The following BIN2 variants were observed in gnomAD, a reference collection of about 807,000 sequenced individuals.
The protein encoded by BIN2 is bridging integrator 2.
A neutral mutation model predicts 67.9 loss-of-function variants in BIN2; 43 were observed. That is an observed-to-expected ratio of 0.63 (90% CI 0.50 to 0.82). The LOEUF (loss-of-function observed/expected upper bound fraction) is 0.82, where lower values mean the gene tolerates loss of function less well. BIN2 is among the 40% of genes least tolerant of loss of function. The pLI, the probability that BIN2 is intolerant of heterozygous loss-of-function variation, is 0.00. For missense variants in BIN2, 581 were observed against 671.6 expected, an observed-to-expected ratio of 0.87 and a Z score of 1.49; for synonymous variants, 244 against 246.8, an observed-to-expected ratio of 0.99 and a Z score of 0.11.
upstream of BIN2, chr12:51,324,176 C>T: frequency 1.3e-6 from 2 of 1,578,108 alleles, no homozygotes; most frequent in Admixed American, 1.8e-5. Flanking sequence ...GGAGGAAGTG[C>T]GGGCTCCCGG....
At chr12:51,281,773 G>A (rs1227872074) in intron 12 of BIN2, among the ~76,000 whole-genome samples, 2 of 149,380 alleles carry the variant, frequency 1.3e-5, no homozygotes, top group Non-Finnish European at 3.0e-5. Flanking sequence ...TTTTCTTTTT[G>A]AGACATAGTC....
At chr12:51,305,713 A>G (rs1945849024) in intron 2 of BIN2, among the ~76,000 whole-genome samples, 1 of 151,764 alleles carries the variant, frequency 6.6e-6, no homozygotes, top group African/African-American at 2.4e-5. Context: ...GGGAAAGGTC[A>G]CTATTTACTT....
intron 8 of BIN2, 64 bp downstream of exon 8, chr12:51,297,025 A>T (rs1208160880): frequency 2.1e-6 from 3 of 1,439,624 alleles, no homozygotes; most frequent in Non-Finnish European, 2.9e-6. Context: ...CATGTAAGTC[A>T]AGGCTACCTT....
Position 51,324,123 on chromosome 12 carries a change from C to T in BIN2, c.-21G>A. 6 of 1,611,458 alleles carry T rather than the reference C, an allele frequency of 3.7e-6. No individual in the cohort carries two copies. Among genetic ancestry groups the T allele is most frequent in the Non-Finnish European group, 5.1e-6 (6 of 1,178,850 alleles). On this transcript the variant is annotated 5_prime_UTR_variant, in exon 1 of 13. Coordinates refer to ENST00000615107, the MANE Select transcript of BIN2 (RefSeq NM_016293.4). ...GCCATCCTGCCAACTCCCTGGGGGCCGCCGCCCTGGCCCCGCGCCCTGTGG... is the reference window on the plus strand; with the variant it reads ...GCCATCCTGCCAACTCCCTGGGGGCTGCCGCCCTGGCCCCGCGCCCTGTGG...
At position 51,284,693 on chromosome 12, in the gene BIN2, A is replaced by G. The variant is rs367655945; in HGVS notation, c.1668+23T>C. The G allele has an allele frequency of 2.6e-6, 4 of 1,566,194 alleles. No homozygotes were observed. In the African/African-American group the frequency reaches 4.1e-5, roughly 16 times the overall value. Reference sequence around the variant, plus strand: ...CCCCTGTCAATCTAATGCCCAATCTATTCTCTGTATATCTGGTCTTACCTC... The same window carrying G: ...CCCCTGTCAATCTAATGCCCAATCTGTTCTCTGTATATCTGGTCTTACCTC... On this transcript the variant is annotated intron_variant, in intron 12 of 12. Coordinates refer to ENST00000615107, the MANE Select transcript of BIN2 (RefSeq NM_016293.4).
chr12:51,287,837 G>A (rs4477479), intron 11 of BIN2, among the ~76,000 whole-genome samples: 124,263 of 151,174 alleles, frequency 0.82, 52,257 homozygotes, highest in East Asian at 0.94. Flanking sequence ...ATTTTTAGTA[G>A]AGACGGGGTT....
chr12:51,323,925 G>T, intron 1 of BIN2, 97 bp downstream of exon 1: 1 of 1,479,742 alleles, frequency 6.8e-7, no homozygotes, highest in Non-Finnish European at 9.1e-7. Flanking sequence ...ACCCTTCGGG[G>T]CCCCTGAGCA....
chr12:51,302,962 C>T (rs1945768819), intron 3 of BIN2, 125 bp downstream of exon 3: 1 of 1,250,816 alleles, frequency 8.0e-7, no homozygotes, highest in Admixed American at 1.8e-5. Flanking sequence ...CACAAAATTC[C>T]AGGAGTCAAG....
chr12:51,288,150 G>A lies in BIN2; in HGVS notation c.1554C>T (p.Asp518=), dbSNP rs1945288349. ...AGATAAGCTTATTATCCTTTTCCTT[G>A]TCTTCCATCTTCTTTGCCTCTCCAG... ...SEPGEAKKME[D]KEKDNKLISA... The change falls in exon 11 of 13, where the codon GAC becomes GAT. Residue 518 remains aspartate (D), a synonymous_variant. Coordinates refer to ENST00000615107, the MANE Select transcript of BIN2 (RefSeq NM_016293.4). The A allele has an allele frequency of 6.2e-7, 1 of 1,613,784 alleles. No homozygotes were observed. Among genetic ancestry groups the A allele is most frequent in the South Asian group, 1.1e-5 (1 of 91,064 alleles).
chr12:51,299,696 C>T lies in BIN2; in HGVS notation c.427G>A (p.Gly143Ser). Residue 143 changes from glycine (G) to serine (S), a missense_variant, in exon 6 of 13, where the codon GGT becomes AGT. Transcript: ENST00000615107. ...SEIKERIAKR[G>S]RKLVDYDSAR... ...CTGTCATAGTCCACGAGTTTCCGAC[C>T]CCGCTTGGCAATTCTCTCCTGACCC... is the stretch of plus-strand genomic sequence containing the variant. The T allele has an allele frequency of 6.2e-7, 1 of 1,614,020 alleles. No individual in the cohort carries two copies. The highest frequency in any genetic ancestry group is 8.5e-7 in the Non-Finnish European group (1 of 1,180,004).
chr12:51,287,415 C>T (rs1480990521), intron 11 of BIN2, among the ~76,000 whole-genome samples: 1 of 152,078 alleles, frequency 6.6e-6, no homozygotes, highest in African/African-American at 2.4e-5. Context: ...TCACTGCAAC[C>T]TCCGCCTTCT....
chr12:51,313,220 A>AAGGAAGGAAGGAAGGC lies in BIN2; in HGVS notation c.162+602_162+603insGCCTTCCTTCCTTCCT, dbSNP rs1319737260. 2.4e-3 allele frequency among the ~76,000 whole-genome samples: 328 copies of AAGGAAGGAAGGAAGGC among 138,182 alleles called. 7 individuals are homozygous for AAGGAAGGAAGGAAGGC. The highest frequency in any genetic ancestry group is 0.022 in the East Asian group (84 of 3,874). 90.7% of individuals were successfully genotyped at this position (138,182 alleles called of 152,430 possible). On this transcript the variant is annotated intron_variant, in intron 2 of 12. Transcript: ENST00000615107. ...GAAGGAAGGAAGGAAGGAAGGAAGG[A>AAGGAAGGAAGGAAGGC]AGGCAGGAAGGCAGGCAGGCAGGCA... is the stretch of plus-strand genomic sequence containing the variant.
At chr12:51,294,169 A>G (rs1945468869) in intron 9 of BIN2, among the ~76,000 whole-genome samples, 1 of 152,376 alleles carries the variant, frequency 6.6e-6, no homozygotes, top group Non-Finnish European at 1.5e-5. Flanking sequence ...CAGAGCTATT[A>G]TAACAACATG....
At position 51,302,629 on chromosome 12, in the gene BIN2, G is replaced by A; in HGVS notation, c.312+57C>T. 2.1e-6 allele frequency: 3 copies of A among 1,403,944 alleles called. No homozygotes were observed. The South Asian group carries it at 3.5e-5, about 16-fold the overall frequency. 87.0% of individuals were successfully genotyped at this position (1,403,944 alleles called of 1,614,324 possible). Reference sequence around the variant, plus strand: ...TCTTGGATAGAGAAGCTAAGCTGAGGTTGAGATGCAAACAGGAGTAAGTGC... The same window carrying A: ...TCTTGGATAGAGAAGCTAAGCTGAGATTGAGATGCAAACAGGAGTAAGTGC... On this transcript the variant is annotated intron_variant, in intron 4 of 12. Transcript: ENST00000615107.
At chr12:51,284,646 AAGATTCCAGCCTTTTCCC>A (rs1945192457) in intron 12 of BIN2, 52 bp downstream of exon 12, 2 of 1,246,078 alleles carry the variant, frequency 1.6e-6, no homozygotes, top group African/African-American at 3.0e-5. Flanking sequence ...GCCTGTGGTG[AAGATTCCAGCCTTTTCCC>A]AAACCCCTGT....
intron 2 of BIN2, among the ~76,000 whole-genome samples, chr12:51,307,022 C>T (rs1234285151): frequency 6.6e-6 from 1 of 152,076 alleles, no homozygotes; most frequent in Non-Finnish European, 1.5e-5. Flanking sequence ...CAGTGATGCA[C>T]GCCTGTAATC....
chr12:51,314,070 C>T lies in BIN2; in HGVS notation c.82-167G>A, dbSNP rs148999525. ...TTTATTTATTTATTTATTTTTGAGACGGAGTCTCACTCTGTTGCCCAGGCT... is the reference window on the plus strand; with the variant it reads ...TTTATTTATTTATTTATTTTTGAGATGGAGTCTCACTCTGTTGCCCAGGCT... On this transcript the variant is annotated intron_variant, in intron 1 of 12. Coordinates refer to ENST00000615107, the MANE Select transcript of BIN2 (RefSeq NM_016293.4). 9.0e-3 allele frequency among the ~76,000 whole-genome samples: 1,334 copies of T among 148,664 alleles called. 64 individuals are homozygous for T. In the East Asian group the frequency reaches 0.15, roughly 16 times the overall value.
Position 51,282,130 on chromosome 12 carries a change from A to G in BIN2, c.1669-602T>C, listed in dbSNP as rs139052858. Among the ~76,000 whole-genome samples the G allele has an allele frequency of 2.1e-4, 32 of 152,278 alleles. No homozygotes were observed. In the East Asian group the frequency reaches 6.0e-3, roughly 28 times the overall value. ...TGGAACCAATTTCATGGTCATCCTT[A>G]GTAAGCTTATTTTATAGAATGCATT... On this transcript the variant is annotated intron_variant, in intron 12 of 12. Transcript: ENST00000615107.
At chr12:51,310,387 A>T (rs1290362725) in intron 2 of BIN2, among the ~76,000 whole-genome samples, 1 of 152,252 alleles carries the variant, frequency 6.6e-6, no homozygotes, top group African/African-American at 2.4e-5. Flanking sequence ...AAACTTAAAC[A>T]TGTCAGTGAG....
Sources: allele counts gnomAD v4.1 joint callset (sites outside exome capture counted in the v4.1 genomes callset), GRCh38; gene constraint gnomAD v4.1.1; transcripts MANE v1.5; gene names NCBI Gene and HGNC (gene_info 2026-07-23, HGNC 2026-07-21).